PRDM6: variants seen among roughly 807,000 people sequenced by gnomAD.
PRDM6 encodes PR/SET domain 6.
PRDM6 carries 25 observed loss-of-function variants against 60.8 expected under a neutral mutation model. The ratio of observed to expected loss-of-function variants is 0.41; its 90% CI spans 0.30 to 0.57. PRDM6 has a LOEUF of 0.57. PRDM6 is among the 20% of genes least tolerant of loss of function. The pLI is 0.27. For synonymous variants in PRDM6, 407 were observed against 357.4 expected (o/e 1.14, Z -1.57); for missense variants, 839 against 821.3 (o/e 1.02, Z -0.26).
chr5:123,098,369 A>G (rs954512843), intron 2 of PRDM6, among the ~76,000 whole-genome samples: 1 of 152,254 alleles, frequency 6.6e-6, no homozygotes, highest in Non-Finnish European at 1.5e-5. Flanking sequence ...AGCTGGGCCA[A>G]GGAGGCTGGG....
intron 3 of PRDM6, among the ~76,000 whole-genome samples, chr5:123,145,209 G>T (rs1404707046): frequency 6.6e-6 from 1 of 152,166 alleles, no homozygotes; most frequent in African/African-American, 2.4e-5. Flanking sequence ...TTTTCCACAT[G>T]TAGGAATCCC....
chr5:123,153,065 C>G (rs1765405490), intron 3 of PRDM6, among the ~76,000 whole-genome samples: 1 of 152,084 alleles, frequency 6.6e-6, no homozygotes, highest in South Asian at 2.1e-4. Context: ...GCAGCAACAA[C>G]AATCACAAAA....
At chr5:123,137,147 A>G (rs985625349) in intron 3 of PRDM6, among the ~76,000 whole-genome samples, 3 of 152,192 alleles carry the variant, frequency 2.0e-5, no homozygotes, top group Admixed American at 1.3e-4. Flanking sequence ...CTGTCATTTC[A>G]CAATATACCC....
chr5:123,101,125 T>G (rs958090006), intron 3 of PRDM6, among the ~76,000 whole-genome samples: 1 of 152,184 alleles, frequency 6.6e-6, no homozygotes, highest in African/African-American at 2.4e-5. Flanking sequence ...TTATATTCAC[T>G]AAATAAAGCT....
chr5:123,154,040 T>C (rs1015470973), intron 3 of PRDM6, among the ~76,000 whole-genome samples: 2 of 152,170 alleles, frequency 1.3e-5, no homozygotes, highest in Admixed American at 1.3e-4. Context: ...CTTTGGTCAA[T>C]GTTGCAATTT....
At chr5:123,150,112 A>G (rs114049795) in intron 3 of PRDM6, among the ~76,000 whole-genome samples, 286 of 152,294 alleles carry the variant, frequency 1.9e-3, no homozygotes, top group Middle Eastern at 0.01. Context: ...GATGTCCAGC[A>G]TTGTTTTCAG....
At chr5:123,101,903 C>T (rs760961154) in intron 3 of PRDM6, among the ~76,000 whole-genome samples, 3 of 152,118 alleles carry the variant, frequency 2.0e-5, no homozygotes, top group Non-Finnish European at 4.4e-5. Flanking sequence ...GGAATTTAGT[C>T]AGTGTTTTTC....
chr5:123,180,071 C>A, intron 6 of PRDM6, 76 bp from the exon 7 acceptor site: 2 of 1,372,806 alleles, frequency 1.5e-6, no homozygotes, highest in Non-Finnish European at 2.0e-6. Context: ...TAAGTTTTGG[C>A]CCCTTGTCAT....
intron 6 of PRDM6, among the ~76,000 whole-genome samples, chr5:123,174,005 T>C (rs1765951978): frequency 6.6e-6 from 1 of 152,272 alleles, no homozygotes; most frequent in Admixed American, 6.5e-5. Flanking sequence ...TTTTTATGGT[T>C]ATTATCCACG....
chr5:123,179,061 A>G (rs912045054), intron 6 of PRDM6, among the ~76,000 whole-genome samples: 1 of 152,240 alleles, frequency 6.6e-6, no homozygotes, highest in African/African-American at 2.4e-5. Context: ...GAATCCTGTC[A>G]AGGAATGATA....
At chr5:123,140,287 A>G (rs1045929352) in intron 3 of PRDM6, among the ~76,000 whole-genome samples, 3 of 150,866 alleles carry the variant, frequency 2.0e-5, no homozygotes, top group African/African-American at 7.3e-5. Flanking sequence ...AAAAAAAAAA[A>G]GGTCAGAAAA....
chr5:123,182,358 C>T (rs985093152), intron 7 of PRDM6, among the ~76,000 whole-genome samples: 3 of 152,212 alleles, frequency 2.0e-5, no homozygotes, highest in African/African-American at 7.2e-5. Context: ...AGCAGAGATA[C>T]AGGAGGGTTC....
intron 5 of PRDM6, among the ~76,000 whole-genome samples, chr5:123,160,391 C>T (rs566945349): frequency 6.6e-6 from 1 of 152,330 alleles, no homozygotes; most frequent in South Asian, 2.1e-4. Flanking sequence ...TTCTGATATG[C>T]TTCAGTGAGA....
intron 3 of PRDM6, among the ~76,000 whole-genome samples, chr5:123,101,929 C>T (rs1480747215): frequency 2.6e-5 from 4 of 152,136 alleles, no homozygotes; most frequent in Non-Finnish European, 5.9e-5. Flanking sequence ...CTTGATACTT[C>T]AGTAGATATA....
intron 3 of PRDM6, among the ~76,000 whole-genome samples, chr5:123,124,191 C>T (rs1580497302): frequency 6.6e-6 from 1 of 152,160 alleles, no homozygotes; most frequent in South Asian, 2.1e-4. Context: ...TACCATAATT[C>T]TCTGCATATA....
rs964551001 is a variant in PRDM6, at chr5:123,191,897, T to C, written c.*4696T>C. ...CTGTGGAAACCTTGCCACAGATGTTTAACCTGTAGTCCATGGCTGTGTTTG... is the reference window on the plus strand; with the variant it reads ...CTGTGGAAACCTTGCCACAGATGTTCAACCTGTAGTCCATGGCTGTGTTTG... On this transcript the variant is annotated 3_prime_UTR_variant, in exon 8 of 8. Transcript: ENST00000407847. 6.6e-6 allele frequency: 1 copy of C among 152,212 alleles called. No individual in the cohort carries two copies. Among genetic ancestry groups the C allele is most frequent in the African/African-American group, 2.4e-5 (1 of 41,460 alleles). The allele number at this position is 152,212 out of a possible 1,614,324, so 9.4% of individuals were successfully genotyped here.
chr5:123,153,975 A>G (rs574869515), intron 3 of PRDM6, among the ~76,000 whole-genome samples: 23 of 152,298 alleles, frequency 1.5e-4, no homozygotes, highest in Non-Finnish European at 2.9e-4. Flanking sequence ...GGGCTGGGTC[A>G]TCAACATTTC....
chr5:123,125,159 A>G (rs2287697), intron 3 of PRDM6, among the ~76,000 whole-genome samples: 12 of 48,664 alleles, frequency 2.5e-4, no homozygotes, highest in Non-Finnish European at 3.5e-4. Context: ...CCTCCCCCCC[A>G]CCCGCCGGCC....
At position 123,190,529 on chromosome 5, in the gene PRDM6, G is replaced by A. The variant is rs1407295856; in HGVS notation, c.*3328G>A. On this transcript the variant is annotated 3_prime_UTR_variant, in exon 8 of 8. Transcript: ENST00000407847. The stretch of plus-strand genomic sequence containing the variant: ...CATATAATTTATATAATTTGATTCA[G>A]TTGGTACATTTTTTATTGTGTTCAT... The A allele has an allele frequency of 2.0e-5, 3 of 152,074 alleles. No homozygotes were observed. Among genetic ancestry groups the A allele is most frequent in the African/African-American group, 7.2e-5 (3 of 41,404 alleles). The allele number at this position is 152,074 out of a possible 1,614,324, so 9.4% of individuals were successfully genotyped here.
Sources: allele counts gnomAD v4.1 joint callset (sites outside exome capture counted in the v4.1 genomes callset), GRCh38; gene constraint gnomAD v4.1.1; transcripts MANE v1.5; gene names NCBI Gene and HGNC (gene_info 2026-07-23, HGNC 2026-07-21).